The following TTN variants were observed in gnomAD, a reference collection of about 807,000 sequenced individuals.
TTN encodes titin.
TTN carries 1,525 observed loss-of-function variants against 3,223.0 expected under a neutral mutation model. The ratio of observed to expected loss-of-function variants is 0.47; its 90% confidence interval spans 0.45 to 0.49. The LOEUF (loss-of-function observed/expected upper bound fraction) is 0.49. Among genes scored for constraint, TTN ranks in the 20% least tolerant of loss-of-function variants. The pLI, the probability that TTN is intolerant of heterozygous loss-of-function variation, is 0.00. For missense variants in TTN, 40,786 were observed against 43,424.0 expected, an observed-to-expected ratio of 0.94 and a Z score of 5.40; for synonymous variants, 14,094 against 15,161.0, an observed-to-expected ratio of 0.93 and a Z score of 5.17.
At position 178,799,511 on chromosome 2, in the gene TTN, C is replaced by T. The variant is rs367974490; in HGVS notation, c.890G>A (p.Arg297Gln). ...CCTGACCGGAGATGGGGTCGGTGCC[C>T]GCACGTGTCTGACCGGGGAAGGGGA... ...RHSPSPVRHV[R>Q]APTPSPVRSV... is the part of the protein sequence containing the mutation. Residue 297 changes from arginine to glutamine, a missense_variant, in exon 6 of 363, where the codon CGG becomes CAG. Physicochemically the swap from Arg to Gln is conservative, Grantham distance 43 (BLOSUM62 1). Transcript: ENST00000589042. The T allele has an allele frequency of 2.5e-5, 40 of 1,613,994 alleles. No homozygotes were observed. In the East Asian group the frequency reaches 7.4e-4, roughly 30 times the overall value.
Position 178,695,963 on chromosome 2 carries a change from T to C in TTN, c.31109A>G (p.Tyr10370Cys). The C allele has an allele frequency of 1.3e-6, 2 of 1,538,120 alleles. No homozygotes were observed. The highest frequency in any genetic ancestry group is 1.8e-6 in the Non-Finnish European group (2 of 1,141,598). ...WEEDFEEGQE[Y>C]YEREEGYDEG... is the part of the protein sequence containing the mutation. ...GTCATAGCCTTCTTCCCTTTCATAG[T>C]ATTCTTGCCCTTCTTCAAAATCTTC... is the stretch of plus-strand genomic sequence containing the variant. Residue 10370 changes from tyrosine (Y) to cysteine (C), a missense_variant, in exon 114 of 363, where the codon TAC (tyrosine) becomes TGC (cysteine). Tyr to Cys is a radical substitution (Grantham distance 194). Coordinates refer to ENST00000589042, the MANE Select transcript of TTN (RefSeq NM_001267550.2).
rs1398539938 is a variant in TTN at position 178,713,731 on chromosome 2, A to G, written c.26761+166T>C. 5 of 974,366 alleles carry G rather than the reference A, an allele frequency of 5.1e-6. No individual in the cohort carries two copies. The African/African-American group carries it at 6.6e-5, about 13-fold the overall frequency. The allele number at this position is 974,366 out of a possible 1,614,324, so 60.4% of individuals were successfully genotyped here. A position where few individuals can be genotyped will look rare whatever the true frequency, so the allele number is the denominator to read the frequency against. On this transcript the variant is annotated intron_variant, in intron 92 of 362. Transcript: ENST00000589042. ...AAAGAAAGGGATATAACTTTTGAAC[A>G]TGGTTTTCTTCTAATTCTACAGATG...
Position 178,685,334 on chromosome 2 carries a change from G to T in TTN, c.32393-4C>A. On this transcript the variant is annotated splice_region_variant and splice_polypyrimidine_tract_variant and intron_variant, in intron 128 of 362. Coordinates refer to ENST00000589042, the MANE Select transcript of TTN (RefSeq NM_001267550.2). ...TTCTTCTCCTGCCTCTCTGTCACTTGAAAAGATTATAAAATATGTTTGTAG... is the reference window on the plus strand; with the variant it reads ...TTCTTCTCCTGCCTCTCTGTCACTTTAAAAGATTATAAAATATGTTTGTAG... 6.5e-7 allele frequency: 1 copy of T among 1,548,976 alleles called. No homozygotes were observed. Among genetic ancestry groups the T allele is most frequent in the South Asian group, 1.2e-5 (1 of 82,918 alleles).
Position 178,592,805 on chromosome 2 carries a change from G to T in TTN, c.59314C>A (p.Pro19772Thr), listed in dbSNP as rs773420166. The T allele has an allele frequency of 1.9e-6, 3 of 1,613,338 alleles. No homozygotes were observed. Among genetic ancestry groups the T allele is most frequent in the Non-Finnish European group, 2.5e-6 (3 of 1,179,622 alleles). The part of the protein sequence containing the change: ...AAGESDPAHV[P>T]EPVLVKDRLE... ...CTGTCTTTTACTAGGACTGGCTCCG[G>T]AACATGAGCTGGATCTGATTCACCA... is the stretch of plus-strand genomic sequence containing the variant. The change falls in exon 300 of 363, where the codon CCG (proline) becomes ACG (threonine). Residue 19772 changes from proline (P) to threonine (T), a missense_variant. Transcript: ENST00000589042.
At chr2:178,588,404 T>TA (rs2049505360) in intron 304 of TTN, 134 bp downstream of exon 304, 2 of 1,235,836 alleles carry the variant, frequency 1.6e-6, no homozygotes, top group East Asian at 4.9e-5. Context: ...TGGTAAAAGG[T>TA]CTATTTGGAA....
intron 47 of TTN, chr2:178,748,032 C>G (rs2084176138): frequency 6.2e-7 from 1 of 1,612,926 alleles, no homozygotes; most frequent in African/African-American, 1.3e-5. Flanking sequence ...GCTGCCAACT[C>G]TGGTTCTAGA....
chr2:178,583,682 C>T lies in TTN; in HGVS notation c.65500G>A (p.Ala21834Thr), dbSNP rs374874879. 23 of 1,612,226 alleles carry T rather than the reference C, an allele frequency of 1.4e-5. No homozygotes were observed. Among genetic ancestry groups the T allele is most frequent in the Non-Finnish European group, 1.8e-5 (21 of 1,179,188 alleles). Residue 21834 changes from alanine (A) to threonine (T), a missense_variant, in exon 312 of 363, where the codon GCT becomes ACT. Physicochemically the swap from Ala to Thr is moderately conservative, Grantham distance 58. Transcript: ENST00000589042. ...LEEKAQYQFRAIARTAVNISP... is the reference protein window; with the variant it reads ...LEEKAQYQFRTIARTAVNISP... Reference sequence around the variant, plus strand: ...ATGTTTACCGCGGTCCTGGCAATAGCTCTAAATTGATACTGAGCTTTCTCT... The same window carrying T: ...ATGTTTACCGCGGTCCTGGCAATAGTTCTAAATTGATACTGAGCTTTCTCT...
At position 178,653,258 on chromosome 2, in the gene TTN, G is replaced by T; in HGVS notation, c.38771C>A (p.Pro12924His). ...AATACCTTTAACAGGTGGGACTTCA[G>T]GCTTTTTAGGAGGAGCCAAGGGCAC... Reference protein sequence around the residue: ...KKVPLAPPKKPEVPPVKVPEA... With the variant: ...KKVPLAPPKKHEVPPVKVPEA... The change falls in exon 198 of 363, where the codon CCT becomes CAT. Residue 12924 changes from proline (P) to histidine (H), a missense_variant. Physicochemically the swap from Pro to His is moderately conservative, Grantham distance 77. Transcript: ENST00000589042. 1 of 1,612,138 alleles carries T rather than the reference G, an allele frequency of 6.2e-7. No homozygotes were observed. The highest frequency in any genetic ancestry group is 8.5e-7 in the Non-Finnish European group (1 of 1,179,336).
Position 178,614,319 on chromosome 2 carries a change from T to A in TTN, c.49078A>T (p.Ile16360Phe). The A allele has an allele frequency of 6.2e-7, 1 of 1,612,712 alleles. No homozygotes were observed. The highest frequency in any genetic ancestry group is 1.1e-5 in the South Asian group (1 of 91,020). Residue 16360 changes from isoleucine (I) to phenylalanine (F), a missense_variant, in exon 262 of 363, where the codon ATC becomes TTC. Coordinates refer to ENST00000589042, the MANE Select transcript of TTN (RefSeq NM_001267550.2). Reference protein sequence around the residue: ...DKPGPPAAFDITDVTNESCLL... With the variant: ...DKPGPPAAFDFTDVTNESCLL... ...CATGACTCATTGGTTACATCTGTGA[T>A]GTCAAAGGCAGCTGGTGGTCCGGGT...
intron 46 of TTN, among the ~76,000 whole-genome samples, chr2:178,754,499 G>T (rs1053560209): frequency 6.6e-6 from 1 of 152,044 alleles, no homozygotes; most frequent in Admixed American, 6.6e-5. Flanking sequence ...AATCAATTCT[G>T]GGAATATGAC....
At chr2:178,649,709 A>G (rs2062613275) in intron 211 of TTN, 78 bp from the exon 212 acceptor site, 1 of 1,536,570 alleles carries the variant, frequency 6.5e-7, no homozygotes, top group Admixed American at 1.8e-5. Flanking sequence ...TCAACACTGT[A>G]ACATATAGGT....
In TTN at chr2:178,719,697, T is replaced by C; in HGVS notation, c.23795A>G (p.Asp7932Gly). The C allele has an allele frequency of 6.2e-7, 1 of 1,613,752 alleles. No homozygotes were observed. Among genetic ancestry groups the C allele is most frequent in the Non-Finnish European group, 8.5e-7 (1 of 1,179,724 alleles). The change falls in exon 82 of 363, where the codon GAC (aspartate) becomes GGC (glycine). Residue 7932 changes from aspartate to glycine, a missense_variant. Asp to Gly is a moderately conservative substitution (Grantham distance 94). Transcript: ENST00000589042. ...WFKDGRELSA[D>G]SKHHITFINK... is the part of the protein sequence containing the mutation. ...GATGAATGTAATGTGATGTTTGCTGTCTGCAGACAATTCTCTTCCATCTTT... is the reference window on the plus strand; with the variant it reads ...GATGAATGTAATGTGATGTTTGCTGCCTGCAGACAATTCTCTTCCATCTTT...
chr2:178,573,007 T>C lies in TTN; in HGVS notation c.73125A>G (p.Pro24375=). Residue 24375 remains proline (P), a synonymous_variant, in exon 326 of 363, where the codon CCA becomes CCG. Coordinates refer to ENST00000589042, the MANE Select transcript of TTN (RefSeq NM_001267550.2). Reference sequence around the variant, plus strand: ...ACGAAGTTGCCTTGAGTCCTGCTGGTGGAGTGACAATCTGCCATTCATCTT... The same window carrying C: ...ACGAAGTTGCCTTGAGTCCTGCTGGCGGAGTGACAATCTGCCATTCATCTT... ...PEEDEWQIVT[P]PAGLKATSYT... The C allele has an allele frequency of 6.8e-6, 11 of 1,613,162 alleles. No homozygotes were observed. Among genetic ancestry groups the C allele is most frequent in the Non-Finnish European group, 9.3e-6 (11 of 1,179,482 alleles).
intron 7 of TTN, 143 bp downstream of exon 7, chr2:178,794,779 T>C: frequency 8.5e-7 from 1 of 1,180,838 alleles, no homozygotes; most frequent in Non-Finnish European, 1.2e-6. Flanking sequence ...GCATGACTAC[T>C]GAATTTGGTC....
At chr2:178,764,469 G>C in intron 42 of TTN, 58 bp downstream of exon 42, 2 of 1,612,906 alleles carry the variant, frequency 1.2e-6, no homozygotes, top group South Asian at 2.2e-5. Context: ...CACTGGGAAA[G>C]GACAAAAGCC....
In TTN at chr2:178,565,536, C is replaced by G; in HGVS notation, c.80596G>C (p.Val26866Leu). 1 of 1,613,580 alleles carries G rather than the reference C, an allele frequency of 6.2e-7. No individual in the cohort carries two copies. The highest frequency in any genetic ancestry group is 8.5e-7 in the Non-Finnish European group (1 of 1,179,626). The part of the protein sequence containing the change: ...YNEKGKSDPR[V>L]LGVPVIAKDL... ...TTGGCTATGACAGGAACACCCAACA[C>G]TCTTGGATCGCTTTTTCCTTTCTCA... Residue 26866 changes from valine (V) to leucine (L), a missense_variant, in exon 326 of 363, where the codon GTG becomes CTG. Val to Leu is a conservative substitution (Grantham distance 32). Coordinates refer to ENST00000589042, the MANE Select transcript of TTN (RefSeq NM_001267550.2).
chr2:178,637,561 G>T (rs956121019), intron 223 of TTN, 142 bp from the exon 224 acceptor site: 3 of 408,224 alleles, frequency 7.3e-6, no homozygotes, highest in Non-Finnish European at 1.3e-5. Context: ...GACTTCTATG[G>T]ATAATCACAT....
chr2:178,696,358 GTATTTCAGATC>G, intron 113 of TTN, 89 bp from the exon 114 acceptor site: 1 of 1,031,166 alleles, frequency 9.7e-7, no homozygotes, highest in Non-Finnish European at 1.3e-6. Flanking sequence ...AACAACATCA[GTATTTCAGATC>G]TATTTTATTG....
intron 121 of TTN, among the ~76,000 whole-genome samples, chr2:178,690,805 G>A (rs538268907): frequency 1.3e-5 from 2 of 152,020 alleles, no homozygotes; most frequent in Non-Finnish European, 2.9e-5. Context: ...ATATATATAC[G>A]TGCTATTATA....
Sources: allele counts gnomAD v4.1 joint callset (sites outside exome capture counted in the v4.1 genomes callset), GRCh38; gene constraint gnomAD v4.1.1; transcripts MANE v1.5; gene names NCBI Gene and HGNC (gene_info 2026-07-23, HGNC 2026-07-21).